The following ARHGEF2 variants were observed in gnomAD, a reference collection of about 807,000 sequenced individuals.
ARHGEF2 encodes Rho/Rac guanine nucleotide exchange factor 2, also known as rho guanine nucleotide exchange factor 2.
Under a neutral mutation model 121.0 loss-of-function variants are expected in ARHGEF2, and 22 were observed. The ratio of observed to expected loss-of-function variants is 0.18; its 90% CI spans 0.13 to 0.26. ARHGEF2 has a LOEUF of 0.26. Among genes scored for constraint, ARHGEF2 ranks in the 10% least tolerant of loss-of-function variants. ARHGEF2 has a pLI of 1.00. For missense variants in ARHGEF2, 907 were observed against 1,336.0 expected, an observed-to-expected ratio of 0.68 and a Z score of 5.01; for synonymous variants, 487 against 530.0, an observed-to-expected ratio of 0.92 and a Z score of 1.11.
chr1:155,976,203 G>C (rs767097529), intron 1 of ARHGEF2, among the ~76,000 whole-genome samples: 2 of 151,912 alleles, frequency 1.3e-5, no homozygotes, highest in African/African-American at 4.8e-5. Context: ...CTTTTCCAGC[G>C]GGTGCCCCTC....
rs1373797521 is a variant in ARHGEF2 at position 155,965,595 on chromosome 1, C to A, written c.470+36G>T. 6.2e-7 allele frequency: 1 copy of A among 1,612,240 alleles called. No individual in the cohort carries two copies. On this transcript the variant is annotated intron_variant, in intron 5 of 21. Coordinates refer to ENST00000361247, the MANE Select transcript of ARHGEF2 (RefSeq NM_001162383.2). The surrounding 1 kb of genome is among the most constrained non-coding windows in gnomAD (Gnocchi z 6.0). ...CACCCCCTTGGCCTCCACTGCCACA[C>A]TCTCTGGCTGCCCCTTTCCCCAAAC...
At chr1:155,971,883 TA>T (rs58112413) in intron 1 of ARHGEF2, among the ~76,000 whole-genome samples, 1,427 of 140,320 alleles carry the variant, frequency 0.01, 19 homozygotes, top group African/African-American at 0.032. Flanking sequence ...CCCATCTCTA[TA>T]AAAAAAAAAA....
chr1:155,949,534 C>A (rs1407914546), intron 21 of ARHGEF2, among the ~76,000 whole-genome samples: 2 of 151,112 alleles, frequency 1.3e-5, no homozygotes, highest in Non-Finnish European at 2.9e-5. Flanking sequence ...AAGCGGAGAT[C>A]TCACTACTGT....
Position 155,951,751 on chromosome 1 carries a change from G to A in ARHGEF2, c.2198C>T (p.Ser733Leu). 3 of 1,614,018 alleles carry A rather than the reference G, an allele frequency of 1.9e-6. No individual in the cohort carries two copies. The highest frequency in any genetic ancestry group is 2.5e-6 in the Non-Finnish European group (3 of 1,180,024). Residue 733 changes from serine to leucine, a missense_variant, in exon 18 of 22, where the codon TCA becomes TTA. Transcript: ENST00000361247. This position sits in a 1 kb window ranked among gnomAD's most constrained non-coding sequence, Gnocchi z 5.1. ...CAATTCCCATCTCACCTCTTGCGGT[G>A]ATCTCAGCTGATTTCCATTTCGATC... ...QRDRNGNQLR[S>L]PQEEALQRLV... is the part of the protein sequence containing the mutation.
rs1422601840 is a variant in ARHGEF2 at position 155,965,201 on chromosome 1, G to A, written c.581-70C>T. On this transcript the variant is annotated intron_variant, in intron 6 of 21. Coordinates refer to ENST00000361247, the MANE Select transcript of ARHGEF2 (RefSeq NM_001162383.2). This position sits in a 1 kb window ranked among gnomAD's most constrained non-coding sequence, Gnocchi z 6.0. ...TCCCTGGGTCCCTGGCCCTTCTCTA[G>A]ATCCCTTCCCTCCTTGTCCTTCCAG... 9.9e-6 allele frequency: 16 copies of A among 1,608,440 alleles called. 1 individual carries two copies. The highest frequency in any genetic ancestry group is 1.4e-5 in the Non-Finnish European group (16 of 1,176,012).
chr1:155,948,508 G>A (rs1305216936), intron 21 of ARHGEF2, among the ~76,000 whole-genome samples: 1 of 152,062 alleles, frequency 6.6e-6, no homozygotes, highest in Non-Finnish European at 1.5e-5. Context: ...GCATGCGCCT[G>A]TAATCCCAGC....
intron 14 of ARHGEF2, 88 bp from the exon 15 acceptor site, chr1:155,952,916 G>A: frequency 1.2e-5 from 15 of 1,260,526 alleles, no homozygotes; most frequent in Non-Finnish European, 1.7e-5. Flanking sequence ...AGAGGGGTAG[G>A]GTGGGGCAGT....
rs769504174 is a variant in ARHGEF2, at chr1:155,965,007, C to G, written c.705G>C (p.Lys235Asn). The change falls in exon 7 of 22, where the codon AAG (lysine) becomes AAC (asparagine). Residue 235 changes from lysine to asparagine, a missense_variant. By Grantham distance (94) the Lys-to-Asn change is moderately conservative. Coordinates refer to ENST00000361247, the MANE Select transcript of ARHGEF2 (RefSeq NM_001162383.2). This position sits in a 1 kb window ranked among gnomAD's most constrained non-coding sequence, Gnocchi z 6.0. ...GCTTACCATAGATGACATCTTGCTGCTTCATCACCTCCTTTTTATGCTGCT... is the reference window on the plus strand; with the variant it reads ...GCTTACCATAGATGACATCTTGCTGGTTCATCACCTCCTTTTTATGCTGCT... The part of the protein sequence containing the change: ...FLQQHKKEVM[K>N]QQDVIYELIQ... 1 of 1,614,040 alleles carries G rather than the reference C, an allele frequency of 6.2e-7. No individual in the cohort carries two copies. The highest frequency in any genetic ancestry group is 1.1e-5 in the South Asian group (1 of 91,080).
intron 13 of ARHGEF2, among the ~76,000 whole-genome samples, chr1:155,956,050 G>A (rs919905346): frequency 1.3e-5 from 2 of 151,932 alleles, no homozygotes; most frequent in African/African-American, 4.8e-5. Context: ...AGCCACTACA[G>A]ATCTGTCAAC....
intron 11 of ARHGEF2, among the ~76,000 whole-genome samples, chr1:155,959,870 T>C (rs1279691011): frequency 2.0e-5 from 3 of 152,206 alleles, no homozygotes; most frequent in African/African-American, 7.2e-5. Context: ...TTTTAGCCTT[T>C]AAATTCCATT....
intron 7 of ARHGEF2, 58 bp downstream of exon 7, chr1:155,964,930 G>T (rs1679057777): frequency 6.6e-7 from 1 of 1,519,256 alleles, no homozygotes; most frequent in Non-Finnish European, 8.9e-7. Context: ...AATAAAGAAG[G>T]AAGTAGATAA....
intron 2 of ARHGEF2, among the ~76,000 whole-genome samples, chr1:155,967,227 T>C (rs993854992): frequency 6.6e-6 from 1 of 152,092 alleles, no homozygotes; most frequent in East Asian, 1.9e-4. Flanking sequence ...TGGTTGCGAA[T>C]GGCAGATGGA....
At chr1:155,970,956 G>GC in intron 1 of ARHGEF2, 2 of 986,456 alleles carry the variant, frequency 2.0e-6, no homozygotes, top group Non-Finnish European at 2.4e-6. Flanking sequence ...TCCTCCTCCT[G>GC]TCTCCTGCTC....
At chr1:155,954,117 A>G (rs941375944) in intron 14 of ARHGEF2, among the ~76,000 whole-genome samples, 1 of 128,254 alleles carries the variant, frequency 7.8e-6, no homozygotes, top group Non-Finnish European at 1.6e-5. Flanking sequence ...GTGTACCATC[A>G]TGCCTAGCTA....
At chr1:155,969,964 C>A in intron 1 of ARHGEF2, 1 of 985,420 alleles carries the variant, frequency 1.0e-6, no homozygotes, top group Non-Finnish European at 1.2e-6. Context: ...ATGTCCCCTA[C>A]TAACCTTGAG....
Position 155,947,408 on chromosome 1 carries a change from G to T in ARHGEF2, c.*534C>A, listed in dbSNP as rs1307087180. On this transcript the variant is annotated 3_prime_UTR_variant, in exon 22 of 22. Coordinates refer to ENST00000361247, the MANE Select transcript of ARHGEF2 (RefSeq NM_001162383.2). ...AAGGACGGAGAAAGGGAGAACAGCA[G>T]TAAGAGGTTGAGGGGAGAGGAGAAA... The T allele has an allele frequency of 6.6e-6, 3 of 456,550 alleles. No individual in the cohort carries two copies. Among genetic ancestry groups the T allele is most frequent in the Non-Finnish European group, 1.3e-5 (3 of 226,834 alleles). 28.3% of individuals were successfully genotyped at this position (456,550 alleles called of 1,614,324 possible).
At chr1:155,970,588 G>T in intron 1 of ARHGEF2, 1 of 985,468 alleles carries the variant, frequency 1.0e-6, no homozygotes, top group Non-Finnish European at 1.2e-6. Context: ...CTGGACTGGG[G>T]ACAGAGGATT....
chr1:155,959,591 C>T lies in ARHGEF2; in HGVS notation c.1469-1195G>A, dbSNP rs568952259. 1.2e-4 allele frequency among the ~76,000 whole-genome samples: 18 copies of T among 152,278 alleles called. No individual in the cohort carries two copies. The South Asian group carries it at 3.7e-3, about 32-fold the overall frequency. On this transcript the variant is annotated intron_variant, in intron 11 of 21. Coordinates refer to ENST00000361247, the MANE Select transcript of ARHGEF2 (RefSeq NM_001162383.2). ...ACCAAGTATCGCTCTGTCGCCCTGG[C>T]TGGAGGGCAGTGGTGTGATCTCTGC...
chr1:155,962,728 G>T lies in ARHGEF2; in HGVS notation c.976-10C>A, dbSNP rs765971613. The T allele has an allele frequency of 6.2e-7, 1 of 1,614,036 alleles. No individual in the cohort carries two copies. Among genetic ancestry groups the T allele is most frequent in the Non-Finnish European group, 8.5e-7 (1 of 1,179,968 alleles). ...CACTAGGACCTGAGAACTAGAAGTT[G>T]GTCGAGTAAGGTTAGGTCAGCATTC... is the stretch of plus-strand genomic sequence containing the variant. On this transcript the variant is annotated splice_polypyrimidine_tract_variant and intron_variant, in intron 8 of 21. Coordinates refer to ENST00000361247, the MANE Select transcript of ARHGEF2 (RefSeq NM_001162383.2). The surrounding 1 kb of genome is among the most constrained non-coding windows in gnomAD (Gnocchi z 5.8).
Sources: allele counts gnomAD v4.1 joint callset (sites outside exome capture counted in the v4.1 genomes callset), GRCh38; gene constraint gnomAD v4.1.1; non-coding constraint Gnocchi (gnomAD v3.1); transcripts MANE v1.5; gene names NCBI Gene and HGNC (gene_info 2026-07-23, HGNC 2026-07-21).